Variants in ADARB2 observed in about 807,000 individuals in gnomAD.
The protein encoded by ADARB2 is inactive double-stranded RNA-specific editase B2.
A neutral mutation model predicts 62.2 loss-of-function variants in ADARB2; 25 were observed. The observed-to-expected ratio is 0.40, with a 90% CI of 0.29 to 0.56. The LOEUF is 0.56. ADARB2 is among the 20% of genes least tolerant of loss of function. The pLI is 0.43. For synonymous variants in ADARB2, 572 were observed against 500.8 expected (o/e 1.14, Z -1.90); for missense variants, 1,071 against 1,077.4 (o/e 0.99, Z 0.08).
intron 1 of ADARB2, among the ~76,000 whole-genome samples, chr10:1,555,859 T>C (rs1016334977): frequency 7.2e-5 from 11 of 151,890 alleles, no homozygotes; most frequent in African/African-American, 2.7e-4. Context: ...TGCTTGAACA[T>C]GGGAGATGGA....
At chr10:1,571,323 G>A (rs1367035202) in intron 1 of ADARB2, among the ~76,000 whole-genome samples, 1 of 150,750 alleles carries the variant, frequency 6.6e-6, no homozygotes, top group African/African-American at 2.5e-5. Context: ...GACAGGTTTT[G>A]TTTACAATTT....
intron 3 of ADARB2, among the ~76,000 whole-genome samples, chr10:1,287,508 C>T (rs1043588583): frequency 3.9e-5 from 6 of 152,162 alleles, no homozygotes; most frequent in South Asian, 4.1e-4. Context: ...TGAAACCTCG[C>T]GTGCTCTGAC....
chr10:1,471,193 C>T (rs17156362), intron 1 of ADARB2, among the ~76,000 whole-genome samples: 6 of 152,214 alleles, frequency 3.9e-5, no homozygotes, highest in Non-Finnish European at 7.4e-5. Context: ...GATTTCATTC[C>T]GCAGAACACT....
chr10:1,420,816 C>T (rs907613729), intron 1 of ADARB2, among the ~76,000 whole-genome samples: 12 of 152,112 alleles, frequency 7.9e-5, no homozygotes, highest in Non-Finnish European at 1.8e-4. Context: ...CAAATTAGAG[C>T]CCCGTCCTGA....
At chr10:1,462,163 A>G (rs1440115593) in intron 1 of ADARB2, among the ~76,000 whole-genome samples, 2 of 131,728 alleles carry the variant, frequency 1.5e-5, no homozygotes, top group African/African-American at 5.8e-5. Flanking sequence ...ACTTCCCACC[A>G]CCCCCAGGCC....
chr10:1,549,129 C>A (rs575470021), intron 1 of ADARB2, among the ~76,000 whole-genome samples: 1 of 142,514 alleles, frequency 7.0e-6, no homozygotes, highest in East Asian at 2.1e-4. Context: ...ACACGGAGTT[C>A]GAAACACTAG....
chr10:1,201,079 T>C (rs753058696), intron 7 of ADARB2, among the ~76,000 whole-genome samples: 54 of 152,204 alleles, frequency 3.5e-4, no homozygotes, highest in Admixed American at 2.3e-3. Flanking sequence ...CGAGAACCCG[T>C]GATACCAATT....
intron 1 of ADARB2, among the ~76,000 whole-genome samples, chr10:1,626,767 C>A (rs532593717): frequency 6.6e-6 from 1 of 152,192 alleles, no homozygotes; most frequent in Non-Finnish European, 1.5e-5. Flanking sequence ...CAAAGCAACC[C>A]GCACGGTCTG....
chr10:1,302,482 G>C (rs1201252066), intron 3 of ADARB2, among the ~76,000 whole-genome samples: 1 of 152,226 alleles, frequency 6.6e-6, no homozygotes, highest in Non-Finnish European at 1.5e-5. Flanking sequence ...GGCTTGCTTA[G>C]GTAAACAAAG....
rs187834187 is a variant in ADARB2 at position 1,255,910 on chromosome 10, C to T, written c.1193-13611G>A. 4.6e-5 allele frequency among the ~76,000 whole-genome samples: 7 copies of T among 152,298 alleles called. No homozygotes were observed. Among genetic ancestry groups the T allele is most frequent in the African/African-American group, 1.7e-4 (7 of 41,552 alleles). On this transcript the variant is annotated intron_variant, in intron 4 of 9. Transcript: ENST00000381312. The surrounding 1 kb of genome is among the most constrained non-coding windows in gnomAD (Gnocchi z 4.7). ...AGCACATTGACAACCACATGTCAGC[C>T]CTGGGAGCTAACGGTGTTTACATGA...
In ADARB2 at chr10:1,351,251, G is replaced by A. The variant is rs545606654; in HGVS notation, c.1077+11777C>T. Among the ~76,000 whole-genome samples the A allele has an allele frequency of 8.1e-4, 123 of 152,236 alleles. 1 individual carries two copies. The highest frequency in any genetic ancestry group is 2.2e-3 in the African/African-American group (92 of 41,540). On this transcript the variant is annotated intron_variant, in intron 3 of 9. Transcript: ENST00000381312. ...TGCCCGATCACCTCAGAAGCCTCCT[G>A]GACCATCACGGATGCTGAGCTTCGG...
At chr10:1,619,309 G>GAAAAAAAA (rs869194919) in intron 1 of ADARB2, among the ~76,000 whole-genome samples, 1 of 88,384 alleles carries the variant, frequency 1.1e-5, no homozygotes, top group East Asian at 5.1e-4. Context: ...AAAAAAAAAA[G>GAAAAAAAA]AAAAAATACG....
chr10:1,314,962 G>C (rs562614602), intron 3 of ADARB2, among the ~76,000 whole-genome samples: 1 of 152,298 alleles, frequency 6.6e-6, no homozygotes, highest in South Asian at 2.1e-4. Flanking sequence ...TTCACGCAGA[G>C]GGTGTCAGCC....
intron 7 of ADARB2, among the ~76,000 whole-genome samples, chr10:1,207,434 C>T (rs1291159376): frequency 1.3e-5 from 2 of 152,068 alleles, no homozygotes; most frequent in Non-Finnish European, 2.9e-5. Flanking sequence ...AAAAGCAGTT[C>T]TGTTAGGAAG....
rs1221921199 is a variant in ADARB2 at position 1,242,157 on chromosome 10, G to C, written c.1335C>G (p.Leu445=). The change falls in exon 5 of 10, where the codon CTC becomes CTG. Residue 445 remains leucine, a synonymous_variant. Transcript: ENST00000381312. ...TCAGGTGCAGCTCCAGCTGCGTGTA[G>C]AGGAAGTGCAGGAACGCCCGCCGGG... ...VVARRAFLHF[L]YTQLELHLSK... 7 of 1,609,896 alleles carry C rather than the reference G, an allele frequency of 4.3e-6. No individual in the cohort carries two copies. Among genetic ancestry groups the C allele is most frequent in the Non-Finnish European group, 5.9e-6 (7 of 1,179,546 alleles).
chr10:1,412,605 G>A (rs1832768586), intron 1 of ADARB2, among the ~76,000 whole-genome samples: 1 of 152,082 alleles, frequency 6.6e-6, no homozygotes, highest in African/African-American at 2.4e-5. Flanking sequence ...CCAGAGGATG[G>A]GCCGGACCGC....
At chr10:1,219,671 T>G (rs1408199556) in intron 6 of ADARB2, among the ~76,000 whole-genome samples, 1 of 152,174 alleles carries the variant, frequency 6.6e-6, no homozygotes, top group African/African-American at 2.4e-5. Context: ...GTGATGATAA[T>G]GGTGGTGGTG....
At chr10:1,627,721 C>A (rs911845161) in intron 1 of ADARB2, among the ~76,000 whole-genome samples, 1 of 152,224 alleles carries the variant, frequency 6.6e-6, no homozygotes, top group Non-Finnish European at 1.5e-5. Flanking sequence ...GCTTTTCTCT[C>A]TCTACAGCAG....
chr10:1,449,075 G>A (rs980817207), intron 1 of ADARB2, among the ~76,000 whole-genome samples: 1 of 152,112 alleles, frequency 6.6e-6, no homozygotes, highest in Middle Eastern at 3.2e-3. Context: ...GAATGGTTGC[G>A]GTCACTGGTG....
Sources: gnomAD v4.1 joint callset for allele counts (sites outside exome capture counted in the v4.1 genomes callset) on GRCh38, gnomAD v4.1.1 for gene constraint, Gnocchi (gnomAD v3.1) non-coding constraint, MANE v1.5 for transcripts, NCBI Gene and HGNC (gene_info 2026-07-23, HGNC 2026-07-21) for gene names.